DLG2: variants seen among roughly 807,000 people sequenced by gnomAD.
The protein encoded by DLG2 is disks large homolog 2.
In DLG2, 45 loss-of-function variants were observed where a neutral mutation model predicts 132.5. The observed-to-expected ratio is 0.34, with a 90% CI of 0.27 to 0.44. The LOEUF is 0.44. Ranked by LOEUF, DLG2 falls within the 20% of genes least tolerant of loss-of-function variation. The pLI, the probability that DLG2 is intolerant of heterozygous loss-of-function variation, is 1.00. For synonymous variants in DLG2, 424 were observed against 419.6 expected, an observed-to-expected ratio of 1.01 and a Z score of -0.13; for missense variants, 1,045 against 1,196.9, an observed-to-expected ratio of 0.87 and a Z score of 1.87.
rs1166609285 is a variant in DLG2, at chr11:84,696,046, TG to T, written c.358-161316del. 5.9e-5 allele frequency among the ~76,000 whole-genome samples: 9 copies of T among 151,640 alleles called. No homozygotes were observed. In the East Asian group the frequency reaches 1.8e-3, roughly 30 times the overall value. ...ACGAACACTTAACAATTGTCTTTCA[TG>T]GTCTCCAAAGTAAGATGGAGAGAAA... On this transcript the variant is annotated intron_variant, in intron 6 of 27. Coordinates refer to ENST00000376104, the MANE Select transcript of DLG2 (RefSeq NM_001142699.3).
At chr11:85,168,648 CTTAT>C (rs2078629435) in intron 4 of DLG2, among the ~76,000 whole-genome samples, 2 of 152,028 alleles carry the variant, frequency 1.3e-5, no homozygotes, top group African/African-American at 4.8e-5. Flanking sequence ...CTCTCACAGA[CTTAT>C]TTATTATTTT....
intron 18 of DLG2, among the ~76,000 whole-genome samples, chr11:83,785,118 G>A (rs571903095): frequency 4.6e-5 from 7 of 151,748 alleles, no homozygotes; most frequent in Non-Finnish European, 7.4e-5. Context: ...GCAGTGCCAC[G>A]GTCTCGGCTC....
intron 7 of DLG2, among the ~76,000 whole-genome samples, chr11:84,351,250 C>A (rs958638587): frequency 2.6e-5 from 4 of 151,978 alleles, no homozygotes; most frequent in Non-Finnish European, 4.4e-5. Flanking sequence ...TTAGTAAATA[C>A]AGGGGATCTC....
At chr11:84,816,343 G>T (rs960493771) in intron 6 of DLG2, among the ~76,000 whole-genome samples, 1 of 151,918 alleles carries the variant, frequency 6.6e-6, no homozygotes, top group African/African-American at 2.4e-5. Context: ...AAACCTTGGA[G>T]TACAATTTGT....
At chr11:85,100,918 G>A (rs1298515073) in intron 6 of DLG2, among the ~76,000 whole-genome samples, 1 of 152,154 alleles carries the variant, frequency 6.6e-6, no homozygotes, top group Non-Finnish European at 1.5e-5. Flanking sequence ...TATTTTGAAT[G>A]ATTTTTAAAT....
intron 3 of DLG2, among the ~76,000 whole-genome samples, chr11:85,493,954 G>T (rs1341622675): frequency 1.3e-5 from 2 of 152,116 alleles, no homozygotes; most frequent in African/African-American, 4.8e-5. Context: ...TTCAGTGAGG[G>T]CTGCTCTATA....
chr11:85,580,423 C>T (rs193184293), intron 3 of DLG2, among the ~76,000 whole-genome samples: 2 of 152,230 alleles, frequency 1.3e-5, no homozygotes, highest in East Asian at 3.9e-4. Context: ...ATTGGCCAAA[C>T]TCAAACAGAA....
Position 83,787,330 on chromosome 11 carries a change from T to G in DLG2, c.1723-538A>C, listed in dbSNP as rs1240347507. ...AAGCCTTGTTTTTTTTTTGTTTTTT[T>G]TTTTTTTTTTAGACAGAGTCTCGCT... On this transcript the variant is annotated intron_variant, in intron 17 of 27. Transcript: ENST00000376104. Among the ~76,000 whole-genome samples the G allele has an allele frequency of 2.8e-4, 29 of 104,354 alleles. 1 individual carries two copies. The highest frequency in any genetic ancestry group is 2.5e-3 in the South Asian group (7 of 2,844). 68.5% of individuals were successfully genotyped at this position (104,354 alleles called of 152,430 possible).
At chr11:84,532,907 G>A (rs2099346280) in intron 7 of DLG2, among the ~76,000 whole-genome samples, 1 of 152,060 alleles carries the variant, frequency 6.6e-6, no homozygotes, top group Admixed American at 6.6e-5. Context: ...AATTTTCAGT[G>A]GTTTGTAAAC....
intron 6 of DLG2, among the ~76,000 whole-genome samples, chr11:84,784,486 A>G (rs2072510258): frequency 6.6e-6 from 1 of 151,826 alleles, no homozygotes; most frequent in African/African-American, 2.4e-5. Flanking sequence ...AAGACTGTGT[A>G]CCTCCTCATT....
intron 19 of DLG2, among the ~76,000 whole-genome samples, chr11:83,571,309 A>C (rs2096792195): frequency 6.6e-6 from 1 of 151,556 alleles, no homozygotes; most frequent in Non-Finnish European, 1.5e-5. Context: ...AAGAGGCCAA[A>C]GAATAATATA....
intron 10 of DLG2, among the ~76,000 whole-genome samples, chr11:84,095,486 T>C (rs1469550890): frequency 6.6e-6 from 1 of 152,202 alleles, no homozygotes; most frequent in Admixed American, 6.5e-5. Context: ...TAAGGACTAA[T>C]GGTGAGATAA....
intron 6 of DLG2, among the ~76,000 whole-genome samples, chr11:85,083,460 G>C (rs2067500798): frequency 6.6e-6 from 1 of 152,146 alleles, no homozygotes; most frequent in South Asian, 2.1e-4. Flanking sequence ...CCAAGGTTAA[G>C]GATATTCCCA....
intron 17 of DLG2, among the ~76,000 whole-genome samples, chr11:83,833,362 C>T (rs1349790633): frequency 6.6e-6 from 1 of 152,066 alleles, no homozygotes; most frequent in Admixed American, 6.6e-5. Flanking sequence ...CACCTCAACC[C>T]GGGAGGCAGA....
In DLG2 at chr11:84,251,223, GA is replaced by G; in HGVS notation, c.573+14del. The G allele has an allele frequency of 6.5e-7, 1 of 1,545,572 alleles. No homozygotes were observed. The highest frequency in any genetic ancestry group is 8.8e-7 in the Non-Finnish European group (1 of 1,139,684). ...CACAGTTTTAAAAGAAGGTAGTAATGAAAAAGTTACTTACATAAGGAATTGT... is the reference window on the plus strand; with the variant it reads ...CACAGTTTTAAAAGAAGGTAGTAATGAAAAGTTACTTACATAAGGAATTGT... On this transcript the variant is annotated intron_variant, in intron 8 of 27. Transcript: ENST00000376104.
chr11:83,874,849 T>C (rs2064360346), intron 15 of DLG2, among the ~76,000 whole-genome samples: 1 of 152,168 alleles, frequency 6.6e-6, no homozygotes, highest in Admixed American at 6.5e-5. Context: ...TTTTTTATAA[T>C]TTGATTTTAA....
chr11:84,617,861 A>G (rs752232276), intron 6 of DLG2, among the ~76,000 whole-genome samples: 1 of 152,144 alleles, frequency 6.6e-6, no homozygotes, highest in Non-Finnish European at 1.5e-5. Flanking sequence ...CAAGGAATAA[A>G]CAAAAGCAGC....
At chr11:83,866,807 A>G (rs918890399) in intron 16 of DLG2, among the ~76,000 whole-genome samples, 1 of 152,116 alleles carries the variant, frequency 6.6e-6, no homozygotes, top group African/African-American at 2.4e-5. Flanking sequence ...GCAGCCCTAC[A>G]AGGTCAATAC....
intron 7 of DLG2, among the ~76,000 whole-genome samples, chr11:84,344,941 T>C (rs1041919575): frequency 1.3e-5 from 2 of 152,168 alleles, no homozygotes; most frequent in Admixed American, 6.5e-5. Flanking sequence ...CTTTTGTACA[T>C]TTAATAAAAG....
Sources: gnomAD v4.1 joint callset for allele counts (sites outside exome capture counted in the v4.1 genomes callset) on GRCh38, gnomAD v4.1.1 for gene constraint, MANE v1.5 for transcripts, NCBI Gene and HGNC (gene_info 2026-07-23, HGNC 2026-07-21) for gene names.